ERP44: variants seen among roughly 807,000 people sequenced by gnomAD.
ERP44 encodes the protein endoplasmic reticulum protein 44, also known as endoplasmic reticulum resident protein 44.
Under a neutral mutation model 53.4 loss-of-function variants are expected in ERP44, and 25 were observed. That is an observed-to-expected ratio of 0.47 (90% CI 0.34 to 0.65). The LOEUF is 0.65. ERP44 is among the 30% of genes least tolerant of loss of function. The pLI is 0.01. For missense variants in ERP44, 338 were observed against 493.2 expected, an observed-to-expected ratio of 0.69 and a Z score of 2.98; for synonymous variants, 145 against 161.2, an observed-to-expected ratio of 0.90 and a Z score of 0.76.
At chr9:100,069,318 CAAAA>C (rs1033379479) in intron 1 of ERP44, among the ~76,000 whole-genome samples, 1 of 127,156 alleles carries the variant, frequency 7.9e-6, no homozygotes, top group Non-Finnish European at 1.7e-5. Context: ...CCAAACCAAC[CAAAA>C]AAAAGAAAAA....
At chr9:99,998,543 C>A in intron 10 of ERP44, 1 of 723,880 alleles carries the variant, frequency 1.4e-6, no homozygotes, top group Non-Finnish European at 2.6e-6. Flanking sequence ...ATCTTCACGC[C>A]TTCTGGAAAG....
chr9:100,029,063 G>A (rs139048297), intron 4 of ERP44, among the ~76,000 whole-genome samples: 83 of 151,966 alleles, frequency 5.5e-4, no homozygotes, highest in South Asian at 2.1e-3. Context: ...TCTAAGACCC[G>A]AAACTATAAA....
At position 99,998,557 on chromosome 9, in the gene ERP44, G is replaced by C. The variant is rs1171426892; in HGVS notation, c.1016+7949C>G. The C allele has an allele frequency of 9.6e-6, 7 of 727,722 alleles. No individual in the cohort carries two copies. The Admixed American group carries it at 1.4e-4, about 14-fold the overall frequency. The allele number at this position is 727,722 out of a possible 1,614,324, so 45.1% of individuals were successfully genotyped here. On this transcript the variant is annotated intron_variant, in intron 10 of 11. Transcript: ENST00000262455. ...AATCTTCACGCCTTCTGGAAAGCCA[G>C]TCAGGCTCGTGGTGAGCTCTGTGCC... is the stretch of plus-strand genomic sequence containing the variant.
At chr9:100,051,459 G>C (rs1013908701) in intron 4 of ERP44, among the ~76,000 whole-genome samples, 2 of 152,188 alleles carry the variant, frequency 1.3e-5, no homozygotes, top group Non-Finnish European at 2.9e-5. Context: ...AGACAGTTCT[G>C]TATTCACACC....
At chr9:100,077,422 G>A (rs538623603) in intron 1 of ERP44, among the ~76,000 whole-genome samples, 62 of 152,240 alleles carry the variant, frequency 4.1e-4, no homozygotes, top group African/African-American at 1.4e-3. Context: ...TACTTTGCAG[G>A]GCTCGGGCAA....
At chr9:100,067,317 AGTGCCTGCGACTGCAGGC>A (rs1456657432) in intron 1 of ERP44, among the ~76,000 whole-genome samples, 1 of 152,166 alleles carries the variant, frequency 6.6e-6, no homozygotes, top group Non-Finnish European at 1.5e-5. Flanking sequence ...CAGCCTGCCC[AGTGCCTGCGACTGCAGGC>A]GCGCGCCGCC....
intron 1 of ERP44, among the ~76,000 whole-genome samples, chr9:100,072,364 G>A (rs1030402428): frequency 1.4e-4 from 21 of 152,236 alleles, no homozygotes; most frequent in Middle Eastern, 3.4e-3. Flanking sequence ...TGGAGGTACA[G>A]AAAGAAGAAG....
At chr9:100,041,362 T>C (rs1410095278) in intron 4 of ERP44, among the ~76,000 whole-genome samples, 1 of 152,060 alleles carries the variant, frequency 6.6e-6, no homozygotes, top group African/African-American at 2.4e-5. Flanking sequence ...CAAAACAGCA[T>C]GATACTGGCA....
chr9:99,993,649 A>C (rs1336886049), intron 10 of ERP44, among the ~76,000 whole-genome samples: 2 of 152,272 alleles, frequency 1.3e-5, no homozygotes, highest in Non-Finnish European at 2.9e-5. Flanking sequence ...AACAAAAGCC[A>C]AAATTGACAA....
chr9:100,026,122 G>T (rs1212570999), intron 4 of ERP44, among the ~76,000 whole-genome samples: 2 of 152,322 alleles, frequency 1.3e-5, no homozygotes, highest in South Asian at 2.1e-4. Context: ...TGCAGTTGCA[G>T]ATTTAGGGCT....
intron 7 of ERP44, among the ~76,000 whole-genome samples, chr9:100,017,334 T>C (rs1670109065): frequency 6.6e-6 from 1 of 152,196 alleles, no homozygotes; most frequent in Non-Finnish European, 1.5e-5. Flanking sequence ...GCGAAGAAAC[T>C]TTCCCAGAGT....
At chr9:100,081,813 A>C (rs572611944) in intron 1 of ERP44, among the ~76,000 whole-genome samples, 2 of 152,308 alleles carry the variant, frequency 1.3e-5, no homozygotes, top group African/African-American at 4.8e-5. Flanking sequence ...TTGGAAGTAC[A>C]AGACAAAGCA....
intron 1 of ERP44, among the ~76,000 whole-genome samples, chr9:100,095,330 G>C (rs965992596): frequency 3.2e-4 from 49 of 152,028 alleles, no homozygotes; most frequent in Non-Finnish European, 5.9e-4. Flanking sequence ...CAAATTATAA[G>C]GAAAATGATG....
At chr9:99,995,951 A>G (rs1367497372) in intron 10 of ERP44, among the ~76,000 whole-genome samples, 1 of 144,264 alleles carries the variant, frequency 6.9e-6, no homozygotes, top group Non-Finnish European at 1.5e-5. Context: ...TATTTTGAGT[A>G]AACTCCATAC....
chr9:100,081,036 A>C (rs1826416320), intron 1 of ERP44, among the ~76,000 whole-genome samples: 1 of 152,180 alleles, frequency 6.6e-6, no homozygotes, highest in Middle Eastern at 3.4e-3. Context: ...CTGAAAAAAA[A>C]ATATGAAAAT....
chr9:100,040,859 T>C (rs1418972016), intron 4 of ERP44, among the ~76,000 whole-genome samples: 1 of 152,076 alleles, frequency 6.6e-6, no homozygotes, highest in South Asian at 2.1e-4. Flanking sequence ...TTTTATACGC[T>C]AACAGTGAAC....
intron 1 of ERP44, among the ~76,000 whole-genome samples, chr9:100,063,311 C>T (rs370397606): frequency 6.6e-5 from 10 of 152,236 alleles, no homozygotes; most frequent in East Asian, 5.8e-4. Flanking sequence ...AGAAAACTCT[C>T]TGACCCAGTA....
rs901895293 is a variant in ERP44, at chr9:100,006,451, A to G, written c.1016+55T>C. ...TTAAAATATTCAAACAACTATTTTC[A>G]GTTCATTTTTGAAAAACATATCAGT... On this transcript the variant is annotated intron_variant, in intron 10 of 11. Coordinates refer to ENST00000262455, the MANE Select transcript of ERP44 (RefSeq NM_015051.3). 6 of 1,276,476 alleles carry G rather than the reference A, an allele frequency of 4.7e-6. No individual in the cohort carries two copies. The African/African-American group carries it at 7.4e-5, about 16-fold the overall frequency. 79.1% of individuals were successfully genotyped at this position (1,276,476 alleles called of 1,614,324 possible).
chr9:100,065,257 C>T (rs187567428), intron 1 of ERP44, among the ~76,000 whole-genome samples: 2 of 152,232 alleles, frequency 1.3e-5, no homozygotes, highest in Non-Finnish European at 2.9e-5. Flanking sequence ...CTACAATATT[C>T]AGTACATTAA....
Sources: allele counts gnomAD v4.1 joint callset (sites outside exome capture counted in the v4.1 genomes callset), GRCh38; gene constraint gnomAD v4.1.1; transcripts MANE v1.5; gene names NCBI Gene and HGNC (gene_info 2026-07-23, HGNC 2026-07-21).